Variants in FYB1 observed in about 807,000 individuals in gnomAD.
FYB1 encodes the protein FYN-binding protein 1.
A neutral mutation model predicts 94.1 loss-of-function variants in FYB1; 41 were observed. That is an observed-to-expected ratio of 0.44 (90% CI 0.34 to 0.57). The LOEUF (loss-of-function observed/expected upper bound fraction) is 0.57. Among genes scored for constraint, FYB1 ranks in the 20% least tolerant of loss-of-function variants. The probability of loss-of-function intolerance (pLI) is 0.02; values close to 1 mark genes in which losing one functional copy is unlikely to be tolerated. For synonymous variants in FYB1, 367 were observed against 353.2 expected, an observed-to-expected ratio of 1.04 and a Z score of -0.44; for missense variants, 1,050 against 976.8, an observed-to-expected ratio of 1.07 and a Z score of -1.00.
chr5:39,243,789 C>A (rs1381583467), intron 1 of FYB1, among the ~76,000 whole-genome samples: 1 of 152,074 alleles, frequency 6.6e-6, no homozygotes, highest in Non-Finnish European at 1.5e-5. Context: ...AATGTTCTTC[C>A]ATTTGTTTGT....
chr5:39,111,520 T>A (rs1364372013), intron 16 of FYB1, among the ~76,000 whole-genome samples: 1 of 151,910 alleles, frequency 6.6e-6, no homozygotes, highest in Non-Finnish European at 1.5e-5. Context: ...TAAAACTGAA[T>A]TTATACATTA....
intron 3 of FYB1, among the ~76,000 whole-genome samples, chr5:39,152,975 G>A (rs180812331): frequency 2.2e-4 from 33 of 152,292 alleles, no homozygotes; most frequent in Non-Finnish European, 4.0e-4. Flanking sequence ...CAGAGCTAAA[G>A]TTCCATTTCC....
At chr5:39,217,587 C>G (rs10941427) in intron 1 of FYB1, among the ~76,000 whole-genome samples, 97,064 of 151,986 alleles carry the variant, frequency 0.64, 35,498 homozygotes, top group Non-Finnish European at 0.82. Context: ...TACTGTTATC[C>G]CCATTTGACA....
At chr5:39,244,221 G>C (rs835176) in intron 1 of FYB1, among the ~76,000 whole-genome samples, 24,231 of 151,774 alleles carry the variant, frequency 0.16, 5,170 homozygotes, top group African/African-American at 0.47. Context: ...TCTTGTGCCA[G>C]TTTTCAAAGG....
At chr5:39,213,336 A>G (rs1268416340) in intron 1 of FYB1, among the ~76,000 whole-genome samples, 2 of 152,120 alleles carry the variant, frequency 1.3e-5, no homozygotes, top group Non-Finnish European at 2.9e-5. Context: ...TTTGTCATAT[A>G]GTTACTAGTT....
intron 2 of FYB1, among the ~76,000 whole-genome samples, chr5:39,188,423 A>G (rs958489837): frequency 6.6e-6 from 1 of 151,954 alleles, no homozygotes; most frequent in African/African-American, 2.4e-5. Flanking sequence ...AAAAATATCT[A>G]TGGCTTAGAA....
chr5:39,172,200 C>CT (rs1209918183), intron 2 of FYB1, among the ~76,000 whole-genome samples: 5 of 152,082 alleles, frequency 3.3e-5, no homozygotes. Flanking sequence ...AATCCCAGCA[C>CT]TTTGGGAGGC....
At chr5:39,144,442 T>C (rs1212841251) in intron 3 of FYB1, among the ~76,000 whole-genome samples, 1 of 152,042 alleles carries the variant, frequency 6.6e-6, no homozygotes, top group African/African-American at 2.4e-5. Context: ...ACAAACAACT[T>C]GATATCCTCA....
intron 1 of FYB1, among the ~76,000 whole-genome samples, chr5:39,268,541 GA>G (rs1360730999): frequency 6.6e-6 from 1 of 151,908 alleles, no homozygotes; most frequent in East Asian, 1.9e-4. Context: ...ATATTTCTAA[GA>G]AGTTTTTTTT....
intron 2 of FYB1, among the ~76,000 whole-genome samples, chr5:39,188,914 G>A (rs1747103055): frequency 6.6e-6 from 1 of 152,096 alleles, no homozygotes; most frequent in Non-Finnish European, 1.5e-5. Flanking sequence ...TCCAATTCCT[G>A]AGTTCCATCC....
At chr5:39,157,678 A>G (rs1388613677) in intron 2 of FYB1, among the ~76,000 whole-genome samples, 1 of 152,210 alleles carries the variant, frequency 6.6e-6, no homozygotes, top group Non-Finnish European at 1.5e-5. Context: ...GCTAACACCT[A>G]AAACTCTGAT....
At chr5:39,218,554 A>G (rs1161292964) in intron 1 of FYB1, among the ~76,000 whole-genome samples, 1 of 152,180 alleles carries the variant, frequency 6.6e-6, no homozygotes, top group African/African-American at 2.4e-5. Context: ...AATATTAATT[A>G]TTATTTTACA....
intron 1 of FYB1, among the ~76,000 whole-genome samples, chr5:39,217,265 A>G (rs2150544406): frequency 6.6e-6 from 1 of 152,366 alleles, no homozygotes; most frequent in South Asian, 2.1e-4. Flanking sequence ...AAGGTTTAGA[A>G]CACAACGTTT....
At chr5:39,240,673 G>T (rs1354893733) in intron 1 of FYB1, among the ~76,000 whole-genome samples, 1 of 152,192 alleles carries the variant, frequency 6.6e-6, no homozygotes, top group Non-Finnish European at 1.5e-5. Flanking sequence ...AAAAATAACA[G>T]ATGCTGGCAA....
intron 1 of FYB1, among the ~76,000 whole-genome samples, chr5:39,247,105 T>C (rs1398029549): frequency 1.5e-4 from 22 of 141,994 alleles, no homozygotes; most frequent in African/African-American, 5.7e-4. Flanking sequence ...TATATATATA[T>C]ATATATATAT....
chr5:39,139,127 A>C lies in FYB1; in HGVS notation c.1359+106T>G, dbSNP rs993307630. 10 of 1,150,848 alleles carry C rather than the reference A, an allele frequency of 8.7e-6. No individual in the cohort carries two copies. In the African/African-American group the frequency reaches 1.4e-4, roughly 16 times the overall value. 71.3% of individuals were successfully genotyped at this position (1,150,848 alleles called of 1,614,324 possible). On this transcript the variant is annotated intron_variant, in intron 5 of 18. Transcript: ENST00000512982. ...TAGAAATGGAAAAATATCATTGCTC[A>C]TAAGGATTTTCATTTGTTTGTTTTG...
At chr5:39,189,898 A>AG (rs1296948216) in intron 2 of FYB1, among the ~76,000 whole-genome samples, 1 of 152,224 alleles carries the variant, frequency 6.6e-6, no homozygotes, top group Non-Finnish European at 1.5e-5. Context: ...GCACAGGGTC[A>AG]GGGGGGCAAT....
intron 1 of FYB1, among the ~76,000 whole-genome samples, chr5:39,216,072 A>T (rs1208788108): frequency 6.6e-6 from 1 of 152,086 alleles, no homozygotes; most frequent in East Asian, 1.9e-4. Context: ...CCAGAAACGA[A>T]TCCTCCCCTA....
rs76542581 is a variant in FYB1 at position 39,250,191 on chromosome 5, T to C, written c.-28+24212A>G. ...ATAAACTAGCCAGTCTCGGCAGTTC[T>C]TTATGGCAGTGTGAGAATGGACTAA... On this transcript the variant is annotated intron_variant, in intron 1 of 1. Coordinates refer to the FYB1 transcript ENST00000510188. Among the ~76,000 whole-genome samples, 855 of 152,304 alleles carry C rather than the reference T, an allele frequency of 5.6e-3. 4 individuals carry two copies. The highest frequency in any genetic ancestry group is 8.6e-3 in the Non-Finnish European group (586 of 68,030).
Sources: gnomAD v4.1 joint callset for allele counts (sites outside exome capture counted in the v4.1 genomes callset) on GRCh38, gnomAD v4.1.1 for gene constraint, MANE v1.5 for transcripts, NCBI Gene and HGNC (gene_info 2026-07-23, HGNC 2026-07-21) for gene names.